Variants in WDR97 observed in about 807,000 individuals in gnomAD.
The protein encoded by WDR97 is WD repeat domain 97.
WDR97 carries 111 observed loss-of-function variants against 65.4 expected under a neutral mutation model. The observed-to-expected ratio is 1.70, with a 90% CI of 1.45 to 1.99. WDR97 has a LOEUF of 1.99. WDR97 is among the 30% of genes most tolerant of loss of function. The probability of loss-of-function intolerance (pLI) is 0.00; values close to 1 mark genes in which losing one functional copy is unlikely to be tolerated. For synonymous variants in WDR97, 802 were observed against 397.7 expected, an observed-to-expected ratio of 2.02 and a Z score of -12.10; for missense variants, 1,674 against 865.0, an observed-to-expected ratio of 1.94 and a Z score of -11.73.
Position 144,109,696 on chromosome 8 carries a change from G to A in WDR97, c.1362G>A (p.Ser454=). 1.5e-6 allele frequency: 1 copy of A among 673,744 alleles called. No homozygotes were observed. Among genetic ancestry groups the A allele is most frequent in the Admixed American group, 2.1e-5 (1 of 46,694 alleles). 41.7% of individuals were successfully genotyped at this position (673,744 alleles called of 1,614,324 possible). ...TRLVCACADG[S]VYLLSAATGR... is the part of the protein sequence containing the mutation. ...TCGTGTGCGCGTGCGCCGACGGCTC[G>A]GTCTACCTCCTGTCGGCGGCCACCG... The change falls in exon 5 of 24, where the codon TCG becomes TCA. Residue 454 remains serine (S), a synonymous_variant. Coordinates refer to ENST00000323662, the MANE Select transcript of WDR97 (RefSeq NM_001316309.2).
chr8:144,110,209 G>A lies in WDR97; in HGVS notation c.1796G>A (p.Gly599Asp). Residue 599 changes from glycine (G) to aspartate (D), a missense_variant, in exon 6 of 24, where the codon GGC becomes GAC. By Grantham distance (94) the Gly-to-Asp change is moderately conservative. Transcript: ENST00000323662. ...TVFQTEAHSP[G>D]PVVAIASTWN... ...TTCCAAACGGAGGCGCACAGCCCGGGCCCGGTTGTCGCCATCGCATCCACC... is the reference window on the plus strand; with the variant it reads ...TTCCAAACGGAGGCGCACAGCCCGGACCCGGTTGTCGCCATCGCATCCACC... 1.4e-6 allele frequency: 1 copy of A among 702,956 alleles called. No homozygotes were observed. 43.5% of individuals were successfully genotyped at this position (702,956 alleles called of 1,614,324 possible).
In WDR97 at chr8:144,112,284, T is replaced by C. The variant is rs553437948; in HGVS notation, c.2956T>C (p.Leu986=). ...CATCAGTCTGGATCTGCAGCTGCAG[T>C]TGGAGCAGCTCCGAGGGAGGACGAC... The part of the protein sequence containing the change: ...LGISLDLQLQ[L]EQLRGRTTMA... Residue 986 remains leucine (L), a synonymous_variant, in exon 14 of 24, where the codon TTG becomes CTG. Transcript: ENST00000323662. 86 of 702,728 alleles carry C rather than the reference T, an allele frequency of 1.2e-4. 1 individual carries two copies. The highest frequency in any genetic ancestry group is 1.2e-3 in the African/African-American group (68 of 57,372). The allele number at this position is 702,728 out of a possible 1,614,324, so 43.5% of individuals were successfully genotyped here.
Position 144,109,742 on chromosome 8 carries a change from C to T in WDR97, c.1408C>T (p.Leu470=). ...AATGRIVSSL[L]LEPEDCAAAV... is the part of the protein sequence containing the mutation. ...CACCGGGCGCATAGTGAGCTCACTG[C>T]TGCTGGAGCCGGAGGACTGCGCGGC... is the stretch of plus-strand genomic sequence containing the variant. The change falls in exon 5 of 24, where the codon CTG becomes TTG. Residue 470 remains leucine, a synonymous_variant. Coordinates refer to ENST00000323662, the MANE Select transcript of WDR97 (RefSeq NM_001316309.2). 1.5e-6 allele frequency: 1 copy of T among 681,254 alleles called. No individual in the cohort carries two copies. 42.2% of individuals were successfully genotyped at this position (681,254 alleles called of 1,614,324 possible). A position where few individuals can be genotyped will look rare whatever the true frequency, so the allele number is the denominator to read the frequency against.
intron 14 of WDR97, 21 bp downstream of exon 14, chr8:144,112,370 G>C (rs911869062): frequency 1.4e-6 from 1 of 702,520 alleles, no homozygotes; most frequent in Non-Finnish European, 2.6e-6. Context: ...CAGGCAGGTG[G>C]GGTACCACCT....
chr8:144,115,019 T>A, intron 21 of WDR97, 108 bp downstream of exon 21: 1 of 608,918 alleles, frequency 1.6e-6, no homozygotes. Context: ...CTTCCTTGCC[T>A]TGCCCAGTCC....
Position 144,111,104 on chromosome 8 carries a change from A to G in WDR97, c.2308A>G (p.Met770Val), listed in dbSNP as rs1267782548. 4 of 702,654 alleles carry G rather than the reference A, an allele frequency of 5.7e-6. No individual in the cohort carries two copies. The highest frequency in any genetic ancestry group is 5.4e-5 in the East Asian group (2 of 37,288). The allele number at this position is 702,654 out of a possible 1,614,324, so 43.5% of individuals were successfully genotyped here. A position where few individuals can be genotyped will look rare whatever the true frequency, so the allele number is the denominator to read the frequency against. Reference protein sequence around the residue: ...YLPTSYLVKKMCRKAPDVVDD... With the variant: ...YLPTSYLVKKVCRKAPDVVDD... The stretch of plus-strand genomic sequence containing the variant: ...ACAGGCTCCTTCCCCTATTCAGAAG[A>G]TGTGCCGGAAGGCCCCAGACGTGGT... The change falls in exon 10 of 24, where the codon ATG becomes GTG. Residue 770 changes from methionine (M) to valine (V), a missense_variant. Transcript: ENST00000323662.
chr8:144,107,926 G>A (rs1836450301), intron 1 of WDR97, 64 bp downstream of exon 1: 1 of 702,176 alleles, frequency 1.4e-6, no homozygotes, highest in Non-Finnish European at 2.6e-6. Flanking sequence ...TCGGGCTTGG[G>A]TTCCGTCCCC....
Position 144,115,327 on chromosome 8 carries a change from C to T in WDR97, c.4078-14C>T. 1 of 593,378 alleles carries T rather than the reference C, an allele frequency of 1.7e-6. No individual in the cohort carries two copies. Among genetic ancestry groups the T allele is most frequent in the African/African-American group, 1.9e-5 (1 of 53,672 alleles). The allele number at this position is 593,378 out of a possible 1,614,324, so 36.8% of individuals were successfully genotyped here. ...AAGGTCTCTAAGACCTTAGCACTTT[C>T]CTCTCCTCCCAAGGAGACCCCATCG... On this transcript the variant is annotated splice_polypyrimidine_tract_variant and intron_variant, in intron 21 of 23. Transcript: ENST00000323662.
chr8:144,108,511 C>G lies in WDR97; in HGVS notation c.445C>G (p.Arg149Gly), dbSNP rs4977196. 0.91 allele frequency: 639,882 copies of G among 700,882 alleles called. 293,306 individuals carry two copies. The highest frequency in any genetic ancestry group is 1 in the East Asian group (37,088 of 37,238). The allele number at this position is 700,882 out of a possible 1,614,324, so 43.4% of individuals were successfully genotyped here. A position where few individuals can be genotyped will look rare whatever the true frequency, so the allele number is the denominator to read the frequency against. The change falls in exon 3 of 24, where the codon CGG (arginine) becomes GGG (glycine). Residue 149 changes from arginine (R) to glycine (G), a missense_variant. Transcript: ENST00000323662. ...WAQETLLAPV[R>G]LTGLVTVLGP... The stretch of plus-strand genomic sequence containing the variant: ...ACAGGAGACGCTGCTGGCGCCTGTC[C>G]GGCTTACGGGGCTGGTGACCGTGCT...
chr8:144,110,601 C>T, intron 7 of WDR97, 24 bp downstream of exon 7: 1 of 702,732 alleles, frequency 1.4e-6, no homozygotes, highest in Non-Finnish European at 2.6e-6. Flanking sequence ...ATGGGTGAAG[C>T]CCAGCCACCG....
chr8:144,112,324 T>A lies in WDR97; in HGVS notation c.2996T>A (p.Leu999Gln). ...GGGAGGACGACCATGGCCCTGGACC[T>A]GCCATCCTCCCACTTGCAGTGCAGG... ...LRGRTTMALD[L>Q]PSSHLQCRIP... is the part of the protein sequence containing the mutation. Residue 999 changes from leucine (L) to glutamine (Q), a missense_variant, in exon 14 of 24, where the codon CTG (leucine) becomes CAG (glutamine). Coordinates refer to ENST00000323662, the MANE Select transcript of WDR97 (RefSeq NM_001316309.2). 1.4e-6 allele frequency: 1 copy of A among 702,734 alleles called. No homozygotes were observed. Among genetic ancestry groups the A allele is most frequent in the Non-Finnish European group, 2.6e-6 (1 of 384,928 alleles). 43.5% of individuals were successfully genotyped at this position (702,734 alleles called of 1,614,324 possible). A position where few individuals can be genotyped will look rare whatever the true frequency, so the allele number is the denominator to read the frequency against.
At position 144,108,677 on chromosome 8, in the gene WDR97, C is replaced by T; in HGVS notation, c.611C>T (p.Pro204Leu). ...GGTTGGGCGCCCACCTGCTGCCTGCCGGTTCCCGACCTCAGGCTGCTGCTC... is the reference window on the plus strand; with the variant it reads ...GGTTGGGCGCCCACCTGCTGCCTGCTGGTTCCCGACCTCAGGCTGCTGCTC... ...APGWAPTCCLPVPDLRLLLVA... is the reference protein window; with the variant it reads ...APGWAPTCCLLVPDLRLLLVA... Residue 204 changes from proline (P) to leucine (L), a missense_variant, in exon 3 of 24, where the codon CCG becomes CTG. Coordinates refer to ENST00000323662, the MANE Select transcript of WDR97 (RefSeq NM_001316309.2). 4.3e-6 allele frequency: 3 copies of T among 700,740 alleles called. No individual in the cohort carries two copies. The highest frequency in any genetic ancestry group is 7.8e-6 in the Non-Finnish European group (3 of 384,436). 43.4% of individuals were successfully genotyped at this position (700,740 alleles called of 1,614,324 possible). A position where few individuals can be genotyped will look rare whatever the true frequency, so the allele number is the denominator to read the frequency against.
At chr8:144,109,193 C>T (rs1836487058) in intron 4 of WDR97, 23 bp downstream of exon 4, 1 of 702,726 alleles carries the variant, frequency 1.4e-6, no homozygotes, top group Admixed American at 2.0e-5. Flanking sequence ...CTCTGCACCC[C>T]GAGCCTCGGC....
At position 144,110,159 on chromosome 8, in the gene WDR97, G is replaced by T. The variant is rs1419722298; in HGVS notation, c.1746G>T (p.Leu582=). 1 of 702,780 alleles carries T rather than the reference G, an allele frequency of 1.4e-6. No homozygotes were observed. The highest frequency in any genetic ancestry group is 1.7e-5 in the African/African-American group (1 of 57,264). 43.5% of individuals were successfully genotyped at this position (702,780 alleles called of 1,614,324 possible). ...VGHTDGTLSV[L]EWLSSKTVFQ... is the part of the protein sequence containing the mutation. ...ACACGGACGGCACGCTGTCGGTGCTGGAGTGGCTCTCGTCGAAGACTGTCT... is the reference window on the plus strand; with the variant it reads ...ACACGGACGGCACGCTGTCGGTGCTTGAGTGGCTCTCGTCGAAGACTGTCT... Residue 582 remains leucine (L), a synonymous_variant, in exon 6 of 24, where the codon CTG becomes CTT. Coordinates refer to ENST00000323662, the MANE Select transcript of WDR97 (RefSeq NM_001316309.2).
chr8:144,109,525 G>T lies in WDR97; in HGVS notation c.1191G>T (p.Pro397=), dbSNP rs748398191. ...RLLAPVRPGW[P]VLSLCASSMQ... ...TGGCGCCGGTGCGCCCGGGCTGGCCGGTGCTGTCCCTGTGCGCGAGCAGCA... is the reference window on the plus strand; with the variant it reads ...TGGCGCCGGTGCGCCCGGGCTGGCCTGTGCTGTCCCTGTGCGCGAGCAGCA... Residue 397 remains proline, a synonymous_variant, in exon 5 of 24, where the codon CCG becomes CCT. Coordinates refer to ENST00000323662, the MANE Select transcript of WDR97 (RefSeq NM_001316309.2). 1.4e-6 allele frequency: 1 copy of T among 697,290 alleles called. No individual in the cohort carries two copies. Among genetic ancestry groups the T allele is most frequent in the East Asian group, 2.7e-5 (1 of 37,010 alleles). 43.2% of individuals were successfully genotyped at this position (697,290 alleles called of 1,614,324 possible). A position where few individuals can be genotyped will look rare whatever the true frequency, so the allele number is the denominator to read the frequency against.
In WDR97 at chr8:144,116,523, G is replaced by A; in HGVS notation, c.*230G>A. On this transcript the variant is annotated 3_prime_UTR_variant, in exon 24 of 24. Transcript: ENST00000323662. ...GCCATCGTGGGCACCAGCGTTCCCG[G>A]AGGGGTGGCCGGCCTAGGGCAGAGG... is the stretch of plus-strand genomic sequence containing the variant. 1 of 492,486 alleles carries A rather than the reference G, an allele frequency of 2.0e-6. No individual in the cohort carries two copies. The highest frequency in any genetic ancestry group is 3.5e-5 in the South Asian group (1 of 28,502). 30.5% of individuals were successfully genotyped at this position (492,486 alleles called of 1,614,324 possible).
rs1381105109 is a variant in WDR97 at position 144,109,712 on chromosome 8, G to A, written c.1378G>A (p.Ala460Thr). The change falls in exon 5 of 24, where the codon GCG (alanine) becomes ACG (threonine). Residue 460 changes from alanine (A) to threonine (T), a missense_variant. Physicochemically the swap from Ala to Thr is moderately conservative, Grantham distance 58. Coordinates refer to ENST00000323662, the MANE Select transcript of WDR97 (RefSeq NM_001316309.2). ...CGACGGCTCGGTCTACCTCCTGTCG[G>A]CGGCCACCGGGCGCATAGTGAGCTC... ...CADGSVYLLSAATGRIVSSLL... is the reference protein window; with the variant it reads ...CADGSVYLLSTATGRIVSSLL... 3 of 678,988 alleles carry A rather than the reference G, an allele frequency of 4.4e-6. No homozygotes were observed. The highest frequency in any genetic ancestry group is 4.2e-5 in the Admixed American group (2 of 47,746). The allele number at this position is 678,988 out of a possible 1,614,324, so 42.1% of individuals were successfully genotyped here.
rs1836642673 is a variant in WDR97 at position 144,115,810 on chromosome 8, CGGTGGCGCCGGTGCCCGACAT to C, written c.4553_4573del (p.Ala1518_Val1524del). The C allele has an allele frequency of 2.9e-6, 2 of 688,478 alleles. No homozygotes were observed. Among genetic ancestry groups the C allele is most frequent in the East Asian group, 5.4e-5 (2 of 36,992 alleles). The allele number at this position is 688,478 out of a possible 1,614,324, so 42.6% of individuals were successfully genotyped here. A position where few individuals can be genotyped will look rare whatever the true frequency, so the allele number is the denominator to read the frequency against. ...CACCCACACCCGCCAGAGCCCTACA[CGGTGGCGCCGGTGCCCGACAT>C]GGTGGTGCCACCTCCGCGGGAGCAC... On this transcript the variant is annotated inframe_deletion, in exon 22 of 24. Coordinates refer to ENST00000323662, the MANE Select transcript of WDR97 (RefSeq NM_001316309.2).
chr8:144,109,208 T>C (rs1836487339), intron 4 of WDR97, 38 bp downstream of exon 4: 1 of 702,750 alleles, frequency 1.4e-6, no homozygotes, highest in East Asian at 2.7e-5. Context: ...CTCGGCCCTT[T>C]GCCTCCAGCC....
Sources: allele counts gnomAD v4.1 joint callset, GRCh38; gene constraint gnomAD v4.1.1; transcripts MANE v1.5; gene names NCBI Gene and HGNC (gene_info 2026-07-23, HGNC 2026-07-21).